The following KIF20B variants were observed in gnomAD, a reference collection of about 807,000 sequenced individuals.
KIF20B encodes kinesin-like protein KIF20B.
A neutral mutation model predicts 232.5 loss-of-function variants in KIF20B; 188 were observed. The observed-to-expected ratio is 0.81, with a 90% confidence interval of 0.72 to 0.91. KIF20B has a LOEUF of 0.91. Among genes scored for constraint, KIF20B ranks in the 40% least tolerant of loss-of-function variants. KIF20B has a pLI of 0.00. For missense variants in KIF20B, 2,154 were observed against 2,055.9 expected (o/e 1.05, Z -0.92); for synonymous variants, 712 against 683.0 (o/e 1.04, Z -0.66).
chr10:89,745,897 A>G lies in KIF20B; in HGVS notation c.4036-2A>G. ...ATTAATTTATATTCTTTCAATTTGT[A>G]GGAGCAGTTAAATAATCAGAAAGTG... On this transcript the variant is annotated splice_acceptor_variant, in intron 22 of 32. Transcript: ENST00000371728. LOFTEE classifies it high-confidence loss of function. 6.3e-7 allele frequency: 1 copy of G among 1,578,790 alleles called. No homozygotes were observed. Among genetic ancestry groups the G allele is most frequent in the South Asian group, 1.1e-5 (1 of 90,398 alleles).
Position 89,737,458 on chromosome 10 carries a change from G to C in KIF20B, c.2617G>C (p.Glu873Gln). The change falls in exon 20 of 33, where the codon GAA becomes CAA. Residue 873 changes from glutamate (E) to glutamine (Q), a missense_variant. Coordinates refer to ENST00000371728, the MANE Select transcript of KIF20B (RefSeq NM_001284259.2). ...TGAAGAAGTGCGACCGAACATTGCA[G>C]AAATTGAAGACATCAGAGTTTTACA... is the stretch of plus-strand genomic sequence containing the variant. Reference protein sequence around the residue: ...KSEEVRPNIAEIEDIRVLQEN... With the variant: ...KSEEVRPNIAQIEDIRVLQEN... 6.2e-7 allele frequency: 1 copy of C among 1,608,070 alleles called. No homozygotes were observed. Among genetic ancestry groups the C allele is most frequent in the South Asian group, 1.1e-5 (1 of 89,082 alleles).
rs535825239 is a variant in KIF20B, at chr10:89,768,174, G to A, written c.4990-116G>A. On this transcript the variant is annotated intron_variant, in intron 29 of 32. Transcript: ENST00000371728. ...GTCCTCTGAGTTCAAAATTGCCCTCGGTTAAGAGTCACTGTTTTAAGTGAT... is the reference window on the plus strand; with the variant it reads ...GTCCTCTGAGTTCAAAATTGCCCTCAGTTAAGAGTCACTGTTTTAAGTGAT... 2.4e-5 allele frequency: 16 copies of A among 675,580 alleles called. No homozygotes were observed. In the African/African-American group the frequency reaches 2.7e-4, roughly 11 times the overall value. 41.8% of individuals were successfully genotyped at this position (675,580 alleles called of 1,614,324 possible).
chr10:89,733,455 T>G (rs1172753365), intron 19 of KIF20B, among the ~76,000 whole-genome samples: 1 of 152,174 alleles, frequency 6.6e-6, no homozygotes, highest in Non-Finnish European at 1.5e-5. Flanking sequence ...GAGCTAAATA[T>G]TATTAATAAT....
At chr10:89,746,205 A>G (rs887632313) in intron 23 of KIF20B, among the ~76,000 whole-genome samples, 1 of 152,226 alleles carries the variant, frequency 6.6e-6, no homozygotes, top group African/African-American at 2.4e-5. Flanking sequence ...AGCCGTCCAC[A>G]GGCGGCTTGT....
chr10:89,729,359 G>T (rs765409595), intron 18 of KIF20B, 112 bp downstream of exon 18: 13 of 1,077,126 alleles, frequency 1.2e-5, no homozygotes, highest in Non-Finnish European at 1.5e-5. Flanking sequence ...TGAGAATGTT[G>T]AATTGCTTAT....
intron 11 of KIF20B, among the ~76,000 whole-genome samples, chr10:89,718,434 C>A (rs909091249): frequency 2.3e-4 from 35 of 152,146 alleles, no homozygotes; most frequent in African/African-American, 8.4e-4. Flanking sequence ...TCGCTTGAGC[C>A]TAAGATGTTG....
chr10:89,742,537 T>C (rs1033231139), intron 21 of KIF20B, among the ~76,000 whole-genome samples: 7 of 152,114 alleles, frequency 4.6e-5, no homozygotes, highest in Non-Finnish European at 7.4e-5. Flanking sequence ...TTGATGAAGA[T>C]GGTGTTTATT....
chr10:89,754,812 C>T (rs1842089168), intron 26 of KIF20B, 139 bp downstream of exon 26: 2 of 542,650 alleles, frequency 3.7e-6, no homozygotes, highest in South Asian at 8.5e-5. Context: ...AAGATAACTT[C>T]TGAGCCAATT....
chr10:89,727,959 T>A, intron 17 of KIF20B, 63 bp downstream of exon 17: 1 of 1,362,188 alleles, frequency 7.3e-7, no homozygotes, highest in Non-Finnish European at 1.0e-6. Flanking sequence ...GTATGAATGA[T>A]GACTAGATTT....
At position 89,763,345 on chromosome 10, in the gene KIF20B, A is replaced by G. The variant is rs1048031510; in HGVS notation, c.4989+510A>G. On this transcript the variant is annotated intron_variant, in intron 29 of 32. Transcript: ENST00000371728. ...TAAAAAGCTATGTATATTAAAAGAT[A>G]TAGCGTCCTTGCTTCAGTTAAACTA... Among the ~76,000 whole-genome samples, 66 of 152,296 alleles carry G rather than the reference A, an allele frequency of 4.3e-4. 1 individual carries two copies. The highest frequency in any genetic ancestry group is 1.5e-3 in the African/African-American group (64 of 41,566).
rs1359800259 is a variant in KIF20B at position 89,709,683 on chromosome 10, T to C, written c.351+222T>C. 2.0e-5 allele frequency among the ~76,000 whole-genome samples: 3 copies of C among 151,730 alleles called. No homozygotes were observed. The East Asian group carries it at 5.8e-4, about 29-fold the overall frequency. ...ATTACTATATTTTTATTAAAGTTATTATTAATATATTTTTAAGAAATATTC... is the reference window on the plus strand; with the variant it reads ...ATTACTATATTTTTATTAAAGTTATCATTAATATATTTTTAAGAAATATTC... On this transcript the variant is annotated intron_variant, in intron 4 of 32. Coordinates refer to ENST00000371728, the MANE Select transcript of KIF20B (RefSeq NM_001284259.2).
intron 13 of KIF20B, among the ~76,000 whole-genome samples, chr10:89,720,851 A>T (rs549197173): frequency 3.4e-4 from 52 of 152,224 alleles, no homozygotes; most frequent in African/African-American, 1.2e-3. Context: ...GAGTATAGGC[A>T]TGCGTAACCA....
chr10:89,716,815 G>A (rs1842944304), intron 9 of KIF20B, among the ~76,000 whole-genome samples: 1 of 152,122 alleles, frequency 6.6e-6, no homozygotes. Context: ...TATTTTTGGA[G>A]TTGGTAATAA....
In KIF20B at chr10:89,714,093, CGTT is replaced by C. The variant is rs549394068; in HGVS notation, c.712+12_712+14del. 61 of 1,402,780 alleles carry C rather than the reference CGTT, an allele frequency of 4.3e-5. No homozygotes were observed. In the African/African-American group the frequency reaches 6.8e-4, roughly 16 times the overall value. The allele number at this position is 1,402,780 out of a possible 1,614,324, so 86.9% of individuals were successfully genotyped here. The stretch of plus-strand genomic sequence containing the variant: ...GATGATACTCTTTATGGTAAGGTTT[CGTT>C]GCTCACTTATCTTTGATGTATCGAT... On this transcript the variant is annotated intron_variant, in intron 7 of 32. Transcript: ENST00000371728.
Position 89,719,823 on chromosome 10 carries a change from A to G in KIF20B, c.1722+117A>G, listed in dbSNP as rs77046297. The G allele has an allele frequency of 0.026, 20,676 of 794,310 alleles. 1,790 individuals are homozygous for G. In the East Asian group the frequency reaches 0.27, roughly 10 times the overall value. The allele number at this position is 794,310 out of a possible 1,614,324, so 49.2% of individuals were successfully genotyped here. A position where few individuals can be genotyped will look rare whatever the true frequency, so the allele number is the denominator to read the frequency against. On this transcript the variant is annotated intron_variant, in intron 13 of 32. Transcript: ENST00000371728. ...CAGTACACTGAAGTTTTTGTGTTCA[A>G]CTTTATATTTTGAAAAATTTCAAAC...
At chr10:89,733,084 G>A (rs774889141) in intron 19 of KIF20B, 28 bp downstream of exon 19, 87 of 1,610,004 alleles carry the variant, frequency 5.4e-5, no homozygotes, top group Admixed American at 2.7e-4. Context: ...AGCAGCAGGC[G>A]TTTAAGAAAG....
chr10:89,718,688 T>G (rs748076406), intron 11 of KIF20B, 22 bp from the exon 12 acceptor site: 1 of 1,590,318 alleles, frequency 6.3e-7, no homozygotes, highest in South Asian at 1.1e-5. Context: ...CTTACAATGT[T>G]TTCTGAAAAT....
chr10:89,728,905 T>TTGTGTG (rs71022581), intron 17 of KIF20B, among the ~76,000 whole-genome samples: 4,562 of 137,984 alleles, frequency 0.033, 88 homozygotes, highest in Non-Finnish European at 0.038. Context: ...TCTTTTTTCT[T>TTGTGTG]TGTGTGTGTG....
rs996569418 is a variant in KIF20B at position 89,738,961 on chromosome 10, G to A, written c.3780G>A (p.Leu1260=). ...EETNRQETEK[L]KEELSASSAR... is the part of the protein sequence containing the mutation. Reference sequence around the variant, plus strand: ...AAAAGTGGTTTATGTTTTTTAGATTGAAAGAGGAACTCTCTGCAAGCTCTG... The same window carrying A: ...AAAAGTGGTTTATGTTTTTTAGATTAAAAGAGGAACTCTCTGCAAGCTCTG... The change falls in exon 21 of 33, where the codon TTG becomes TTA. Residue 1260 remains leucine, a synonymous_variant. Coordinates refer to ENST00000371728, the MANE Select transcript of KIF20B (RefSeq NM_001284259.2). 1.2e-6 allele frequency: 2 copies of A among 1,608,750 alleles called. No individual in the cohort carries two copies. Among genetic ancestry groups the A allele is most frequent in the Admixed American group, 3.4e-5 (2 of 58,344 alleles).
Sources: allele counts gnomAD v4.1 joint callset (sites outside exome capture counted in the v4.1 genomes callset), GRCh38; gene constraint gnomAD v4.1.1; transcripts MANE v1.5; gene names NCBI Gene and HGNC (gene_info 2026-07-23, HGNC 2026-07-21).